Variants in ATP2C2 observed in about 807,000 individuals in gnomAD.
ATP2C2 encodes calcium-transporting ATPase type 2C member 2.
ATP2C2 carries 171 observed loss-of-function variants against 110.8 expected under a neutral mutation model. The observed-to-expected ratio is 1.54, with a 90% CI of 1.36 to 1.75. The LOEUF (loss-of-function observed/expected upper bound fraction) is 1.75. Ranked by LOEUF, ATP2C2 falls within the 40% of genes most tolerant of loss-of-function variation. ATP2C2 has a pLI of 0.00. For missense variants in ATP2C2, 1,963 were observed against 1,235.0 expected, an observed-to-expected ratio of 1.59 and a Z score of -8.84; for synonymous variants, 804 against 508.4, an observed-to-expected ratio of 1.58 and a Z score of -7.82.
At chr16:84,417,218 T>C (rs889284552) in intron 7 of ATP2C2, among the ~76,000 whole-genome samples, 1 of 152,116 alleles carries the variant, frequency 6.6e-6, no homozygotes, top group African/African-American at 2.4e-5. Context: ...CTCAGAACGG[T>C]GCCTGGCACA....
chr16:84,390,017 C>T (rs1904557014), intron 1 of ATP2C2, among the ~76,000 whole-genome samples: 1 of 152,194 alleles, frequency 6.6e-6, no homozygotes, highest in Non-Finnish European at 1.5e-5. Flanking sequence ...GCCACCATGT[C>T]CAGTCTCACT....
chr16:84,455,070 A>AGC lies in ATP2C2; in HGVS notation c.2147+87_2147+88insCG, dbSNP rs1555568543. ...CTGGAACCTGCTACTGTGGAGATAG[A>AGC]GGGGGGGGTCTCGCGGAGTCCCCAG... On this transcript the variant is annotated intron_variant, in intron 21 of 26. Coordinates refer to ENST00000262429, the MANE Select transcript of ATP2C2 (RefSeq NM_014861.4). 184 of 1,199,574 alleles carry AGC rather than the reference A, an allele frequency of 1.5e-4. 7 individuals are homozygous for AGC. The South Asian group carries it at 1.8e-3, about 11-fold the overall frequency. 74.3% of individuals were successfully genotyped at this position (1,199,574 alleles called of 1,614,324 possible). A position where few individuals can be genotyped will look rare whatever the true frequency, so the allele number is the denominator to read the frequency against.
chr16:84,454,521 T>TA (rs144672985), intron 20 of ATP2C2, among the ~76,000 whole-genome samples: 15,403 of 152,230 alleles, frequency 0.1, 1,003 homozygotes, highest in Non-Finnish European at 0.14. Flanking sequence ...TGGGACTGGA[T>TA]AACCTTTATG....
intron 1 of ATP2C2, among the ~76,000 whole-genome samples, chr16:84,398,174 A>G (rs1202238330): frequency 2.0e-5 from 3 of 150,054 alleles, no homozygotes; most frequent in Non-Finnish European, 2.9e-5. Flanking sequence ...GGCCGAGGCA[A>G]GCGGATCACC....
At chr16:84,404,851 G>A (rs931586900) in intron 2 of ATP2C2, 4 of 400,890 alleles carry the variant, frequency 1.0e-5, no homozygotes, top group Non-Finnish European at 1.4e-5. Flanking sequence ...ATGTGTTTCT[G>A]CATTTCTGGA....
At chr16:84,400,403 T>A (rs1055497915) in intron 2 of ATP2C2, among the ~76,000 whole-genome samples, 1 of 151,306 alleles carries the variant, frequency 6.6e-6, no homozygotes, top group Non-Finnish European at 1.5e-5. Flanking sequence ...CTCTGCTCAC[T>A]GCAAGCTCCG....
At chr16:84,399,498 C>G (rs1184736398) in intron 2 of ATP2C2, among the ~76,000 whole-genome samples, 1 of 152,192 alleles carries the variant, frequency 6.6e-6, no homozygotes, top group Non-Finnish European at 1.5e-5. Context: ...TTTGTTGCGA[C>G]CAGAACAACA....
intron 1 of ATP2C2, among the ~76,000 whole-genome samples, chr16:84,382,316 C>G (rs1476821270): frequency 1.3e-5 from 2 of 152,208 alleles, no homozygotes; most frequent in African/African-American, 4.8e-5. Context: ...GACACGAACT[C>G]ATCCTTTTTT....
chr16:84,445,433 C>G lies in ATP2C2; in HGVS notation c.1402-896C>G, dbSNP rs200545238. Reference sequence around the variant, plus strand: ...CCATGTTAGTCAGGATGGTCTTGATCTCCTCACCCCGTGATCCACCCGCCT... The same window carrying G: ...CCATGTTAGTCAGGATGGTCTTGATGTCCTCACCCCGTGATCCACCCGCCT... On this transcript the variant is annotated intron_variant, in intron 15 of 26. Transcript: ENST00000262429. 2.6e-5 allele frequency among the ~76,000 whole-genome samples: 4 copies of G among 152,238 alleles called. No individual in the cohort carries two copies. In the East Asian group the frequency reaches 7.8e-4, roughly 30 times the overall value.
Position 84,463,673 on chromosome 16 carries a change from CTA to C in ATP2C2, c.2784_2785del (p.Cys929Ter). The C allele has an allele frequency of 6.2e-7, 1 of 1,614,228 alleles. No homozygotes were observed. Among genetic ancestry groups the C allele is most frequent in the East Asian group, 2.2e-5 (1 of 44,888 alleles). On this transcript the variant is annotated frameshift_variant, in exon 27 of 27. Transcript: ENST00000262429. LOFTEE classifies it low-confidence loss of function (END_TRUNC). Reference protein sequence around the residue: ...SVFILSELLKLCEKYCCSPKR... With the variant: ...SVFILSELLKXCEKYCCSPKR... ...CTTCATTTTGTCAGAGCTCCTCAAACTATGTGAAAAATACTGTTGCAGCCCCA... is the reference window on the plus strand; with the variant it reads ...CTTCATTTTGTCAGAGCTCCTCAAACTGTGAAAAATACTGTTGCAGCCCCA...
chr16:84,460,774 C>T lies in ATP2C2; in HGVS notation c.2454C>T (p.Ser818=), dbSNP rs746538528. The T allele has an allele frequency of 4.1e-5, 66 of 1,613,652 alleles. No individual in the cohort carries two copies. The Middle Eastern group carries it at 9.9e-4, about 24-fold the overall frequency. The part of the protein sequence containing the change: ...KILMSAAIII[S]GTLFIFWKEM... ...TCATGTCCGCGGCCATCATCATCAG[C>T]GGGACCCTCTTTATCTTCTGGAAGG... The change falls in exon 24 of 27, where the codon AGC becomes AGT. Residue 818 remains serine (S), a synonymous_variant. Coordinates refer to ENST00000262429, the MANE Select transcript of ATP2C2 (RefSeq NM_014861.4).
At chr16:84,387,285 G>A (rs1404233117) in intron 1 of ATP2C2, among the ~76,000 whole-genome samples, 1 of 152,126 alleles carries the variant, frequency 6.6e-6, no homozygotes, top group Non-Finnish European at 1.5e-5. Flanking sequence ...GCGTTGGGAG[G>A]CCCAGGCGAG....
intron 17 of ATP2C2, among the ~76,000 whole-genome samples, chr16:84,449,674 G>A (rs913138530): frequency 2.6e-5 from 4 of 152,180 alleles, no homozygotes; most frequent in Non-Finnish European, 5.9e-5. Context: ...TTTTCACCTC[G>A]CTGACACCAG....
At chr16:84,374,813 C>T (rs560766786) in intron 1 of ATP2C2, among the ~76,000 whole-genome samples, 115 of 152,192 alleles carry the variant, frequency 7.6e-4, no homozygotes, top group African/African-American at 2.7e-3. Flanking sequence ...ATTTCTCTTT[C>T]GGGGACAAAG....
intron 1 of ATP2C2, among the ~76,000 whole-genome samples, chr16:84,371,753 G>A (rs1436563750): frequency 6.6e-6 from 1 of 152,170 alleles, no homozygotes; most frequent in Non-Finnish European, 1.5e-5. Flanking sequence ...ATCCTTCTGG[G>A]CTCTCCAGGG....
At chr16:84,460,595 A>G in intron 23 of ATP2C2, 59 bp from the exon 24 acceptor site, 1 of 1,611,690 alleles carries the variant, frequency 6.2e-7, no homozygotes, top group Middle Eastern at 1.7e-4. Flanking sequence ...CAGCTGTTTC[A>G]AGGGTCCTTT....
At chr16:84,419,205 C>CT (rs1907103417) in intron 7 of ATP2C2, among the ~76,000 whole-genome samples, 4 of 50,946 alleles carry the variant, frequency 7.9e-5, no homozygotes, top group East Asian at 6.7e-4. Flanking sequence ...GAGACCCCAT[C>CT]TTTAAAAAAA....
intron 18 of ATP2C2, 106 bp from the exon 19 acceptor site, chr16:84,453,032 C>A: frequency 1.7e-6 from 2 of 1,201,388 alleles, no homozygotes; most frequent in Admixed American, 2.1e-5. Context: ...TAAACCGTCT[C>A]CAGCATGGTT....
chr16:84,445,994 T>C (rs913462629), intron 15 of ATP2C2, among the ~76,000 whole-genome samples: 2 of 152,212 alleles, frequency 1.3e-5, no homozygotes, highest in Non-Finnish European at 2.9e-5. Flanking sequence ...CAGGGCTGTC[T>C]CACTGACTCA....
Sources: gnomAD v4.1 joint callset for allele counts (sites outside exome capture counted in the v4.1 genomes callset) on GRCh38, gnomAD v4.1.1 for gene constraint, MANE v1.5 for transcripts, NCBI Gene and HGNC (gene_info 2026-07-23, HGNC 2026-07-21) for gene names.